The following KYNU variants were observed in gnomAD, a reference collection of about 807,000 sequenced individuals.
KYNU encodes kynureninase, also known as L-kynurenine hydrolase.
KYNU carries 54 observed loss-of-function variants against 59.2 expected under a neutral mutation model. The observed-to-expected ratio is 0.91, with a 90% CI of 0.73 to 1.14. KYNU has a LOEUF of 1.14. Ranked by LOEUF, KYNU falls within the 50% of genes most tolerant of loss-of-function variation. The pLI is 0.00. For missense variants in KYNU, 567 were observed against 554.4 expected (o/e 1.02, Z -0.23); for synonymous variants, 177 against 192.0 (o/e 0.92, Z 0.65).
At chr2:143,034,974 G>T (rs1464411882) in intron 12 of KYNU, among the ~76,000 whole-genome samples, 1 of 152,118 alleles carries the variant, frequency 6.6e-6, no homozygotes, top group Non-Finnish European at 1.5e-5. Context: ...CAGTGGACTG[G>T]CTTTTCTAGT....
chr2:142,998,278 T>A (rs1374986863), intron 10 of KYNU, among the ~76,000 whole-genome samples: 2 of 152,208 alleles, frequency 1.3e-5, no homozygotes, highest in Admixed American at 1.3e-4. Context: ...ATTGTGATAA[T>A]AGCTACTTAT....
rs564522764 is a variant in KYNU, at chr2:143,052,579, C to G, written c.*10407C>G. On this transcript the variant is annotated 3_prime_UTR_variant, in exon 14 of 14. Transcript: ENST00000264170. The stretch of plus-strand genomic sequence containing the variant: ...AGCTCCATCCATGACTAAAAGGGGC[C>G]AAGGTACAGCTTGGGCTGTGGCTTC... 9.8e-5 allele frequency: 15 copies of G among 152,352 alleles called. No homozygotes were observed. The highest frequency in any genetic ancestry group is 2.6e-4 in the Admixed American group (4 of 15,296). 9.4% of individuals were successfully genotyped at this position (152,352 alleles called of 1,614,324 possible).
intron 4 of KYNU, among the ~76,000 whole-genome samples, chr2:142,945,520 A>G (rs1683742512): frequency 6.6e-6 from 1 of 152,116 alleles, no homozygotes. Flanking sequence ...CCTCCACCTG[A>G]AGCCTTGAGC....
intron 3 of KYNU, among the ~76,000 whole-genome samples, chr2:142,920,766 GTTTA>G: frequency 6.6e-6 from 1 of 152,210 alleles, no homozygotes; most frequent in Non-Finnish European, 1.5e-5. Flanking sequence ...TCCTCGCTTT[GTTTA>G]TTTTAGTCTT....
At chr2:142,913,237 GGTTA>G (rs1558917730) in intron 2 of KYNU, among the ~76,000 whole-genome samples, 2 of 151,920 alleles carry the variant, frequency 1.3e-5, no homozygotes, top group African/African-American at 4.8e-5. Flanking sequence ...CTAGCATTGG[GGTTA>G]GTTTGTTCTT....
At position 143,046,414 on chromosome 2, in the gene KYNU, T is replaced by G. The variant is rs1266572369; in HGVS notation, c.*4242T>G. On this transcript the variant is annotated 3_prime_UTR_variant, in exon 14 of 14. Transcript: ENST00000264170. ...ATTTTACATTTGTTTTAGGGAAGAG[T>G]CATAAACCATCTTTAAGTTCTCCTA... 21 of 152,120 alleles carry G rather than the reference T, an allele frequency of 1.4e-4. No individual in the cohort carries two copies. Among genetic ancestry groups the G allele is most frequent in the Admixed American group, 1.4e-3 (21 of 15,242 alleles). The allele number at this position is 152,120 out of a possible 1,614,324, so 9.4% of individuals were successfully genotyped here.
At chr2:142,995,997 A>T (rs1300743364) in intron 10 of KYNU, among the ~76,000 whole-genome samples, 1 of 151,950 alleles carries the variant, frequency 6.6e-6, no homozygotes, top group African/African-American at 2.4e-5. Context: ...CACTGTACCA[A>T]ACGTGTCTCT....
chr2:143,007,908 C>T (rs1685964344), intron 10 of KYNU, among the ~76,000 whole-genome samples: 2 of 113,440 alleles, frequency 1.8e-5, no homozygotes, highest in Admixed American at 8.5e-5. Flanking sequence ...CTGAAGGAAG[C>T]GCTAAACATG....
At position 143,007,647 on chromosome 2, in the gene KYNU, C is replaced by T. The variant is rs1240877267; in HGVS notation, c.902+21626C>T. ...GAAATGAAGGAAAAAATGTTAAGGG[C>T]AGCCAGAGAGAAAGGTCGGGTTACC... is the stretch of plus-strand genomic sequence containing the variant. On this transcript the variant is annotated intron_variant, in intron 10 of 13. Coordinates refer to ENST00000264170, the MANE Select transcript of KYNU (RefSeq NM_003937.3). Among the ~76,000 whole-genome samples, 8 of 113,644 alleles carry T rather than the reference C, an allele frequency of 7.0e-5. 1 individual carries two copies. The highest frequency in any genetic ancestry group is 1.0e-4 in the Non-Finnish European group (6 of 58,020). The allele number at this position is 113,644 out of a possible 152,430, so 74.6% of individuals were successfully genotyped here.
intron 4 of KYNU, among the ~76,000 whole-genome samples, chr2:142,937,207 A>G (rs916109655): frequency 6.6e-6 from 1 of 152,066 alleles, no homozygotes; most frequent in African/African-American, 2.4e-5. Context: ...CCCTGCTGAT[A>G]TATGTGGCCT....
chr2:142,888,602 C>A (rs1382228526), intron 2 of KYNU, among the ~76,000 whole-genome samples: 2 of 151,976 alleles, frequency 1.3e-5, no homozygotes, highest in South Asian at 2.1e-4. Flanking sequence ...AATACAAGTT[C>A]TTGTGTCCTA....
intron 2 of KYNU, among the ~76,000 whole-genome samples, chr2:142,900,189 C>T (rs1052009087): frequency 1.3e-5 from 2 of 152,184 alleles, no homozygotes; most frequent in Non-Finnish European, 2.9e-5. Context: ...AAGCCTTTAG[C>T]CTGATCAGGA....
chr2:142,918,843 C>A, intron 3 of KYNU, 114 bp downstream of exon 3: 1 of 1,229,360 alleles, frequency 8.1e-7, no homozygotes, highest in Non-Finnish European at 1.2e-6. Context: ...ACAGTCATCC[C>A]TTGGCATCTG....
At chr2:143,019,246 T>A (rs766867946) in intron 10 of KYNU, among the ~76,000 whole-genome samples, 1 of 152,196 alleles carries the variant, frequency 6.6e-6, no homozygotes, top group Non-Finnish European at 1.5e-5. Context: ...TTTTTCGCTG[T>A]TCAATTTGAT....
rs143167959 is a variant in KYNU at position 142,882,658 on chromosome 2, C to T, written c.-19-2691C>T. On this transcript the variant is annotated intron_variant, in intron 1 of 13. Transcript: ENST00000264170. ...TCCATGTTGCTGCAAAGGACATGAA[C>T]TCATCCTTTTTTATGGCTGCATAGT... Among the ~76,000 whole-genome samples, 1,157 of 152,302 alleles carry T rather than the reference C, an allele frequency of 7.6e-3. 7 individuals are homozygous for T. Among genetic ancestry groups the T allele is most frequent in the African/African-American group, 0.027 (1,109 of 41,554 alleles).
At chr2:142,970,124 C>T (rs1684672159) in intron 8 of KYNU, among the ~76,000 whole-genome samples, 1 of 152,110 alleles carries the variant, frequency 6.6e-6, no homozygotes, top group African/African-American at 2.4e-5. Flanking sequence ...AGATTTCTTC[C>T]ACACCATTCT....
intron 10 of KYNU, among the ~76,000 whole-genome samples, chr2:143,018,108 A>T (rs1054582711): frequency 3.3e-5 from 5 of 152,104 alleles, no homozygotes; most frequent in Admixed American, 1.3e-4. Flanking sequence ...TACTCTGTTG[A>T]TAGTTTCTTT....
At chr2:142,986,486 C>G (rs1685202671) in intron 10 of KYNU, among the ~76,000 whole-genome samples, 1 of 151,752 alleles carries the variant, frequency 6.6e-6, no homozygotes, top group Admixed American at 6.6e-5. Flanking sequence ...TATCTTCTGT[C>G]CTAAAAGACT....
intron 1 of KYNU, among the ~76,000 whole-genome samples, chr2:142,879,127 T>C (rs912865884): frequency 2.0e-5 from 3 of 152,256 alleles, no homozygotes; most frequent in African/African-American, 7.2e-5. Flanking sequence ...CATAACATTA[T>C]GGCTTGTGAA....
Sources: allele counts gnomAD v4.1 joint callset (sites outside exome capture counted in the v4.1 genomes callset), GRCh38; gene constraint gnomAD v4.1.1; transcripts MANE v1.5; gene names NCBI Gene and HGNC (gene_info 2026-07-23, HGNC 2026-07-21).